SLC35F1: variants seen among roughly 807,000 people sequenced by gnomAD.
SLC35F1 encodes the protein solute carrier family 35 member F1.
SLC35F1 carries 14 observed loss-of-function variants against 48.7 expected under a neutral mutation model. That is an observed-to-expected ratio of 0.29 (90% CI 0.19 to 0.45). The LOEUF (loss-of-function observed/expected upper bound fraction) is 0.45, where lower values mean the gene tolerates loss of function less well. SLC35F1 is among the 20% of genes least tolerant of loss of function. SLC35F1 has a pLI of 1.00. For missense variants in SLC35F1, 404 were observed against 500.0 expected, an observed-to-expected ratio of 0.81 and a Z score of 1.83; for synonymous variants, 190 against 202.2, an observed-to-expected ratio of 0.94 and a Z score of 0.51.
intron 1 of SLC35F1, among the ~76,000 whole-genome samples, chr6:117,926,835 G>T: frequency 6.6e-6 from 1 of 152,138 alleles, no homozygotes; most frequent in Non-Finnish European, 1.5e-5. Context: ...CTGGCTGCCT[G>T]CAGTATAAAC....
At chr6:118,253,978 A>G (rs1775608780) in intron 3 of SLC35F1, among the ~76,000 whole-genome samples, 1 of 151,822 alleles carries the variant, frequency 6.6e-6, no homozygotes, top group Non-Finnish European at 1.5e-5. Context: ...AGCAAGCAGA[A>G]AGGGATGAGG....
intron 7 of SLC35F1, among the ~76,000 whole-genome samples, chr6:118,294,489 C>T (rs779260189): frequency 3.9e-5 from 6 of 152,172 alleles, no homozygotes; most frequent in Admixed American, 6.6e-5. Context: ...ATTTAAATGA[C>T]GATGGCTTAT....
At chr6:117,935,858 A>C (rs1042860514) in intron 1 of SLC35F1, among the ~76,000 whole-genome samples, 2 of 152,342 alleles carry the variant, frequency 1.3e-5, no homozygotes, top group African/African-American at 4.8e-5. Flanking sequence ...AATGATCATG[A>C]AAGTGGCAAG....
In SLC35F1 at chr6:118,278,444, C is replaced by T. The variant is rs114263778; in HGVS notation, c.847+898C>T. On this transcript the variant is annotated intron_variant, in intron 6 of 7. Coordinates refer to ENST00000360388, the MANE Select transcript of SLC35F1 (RefSeq NM_001029858.4). ...GAAACACAATAAAAACATAAACTCC[C>T]GTGCATCACTTTACCTACCTGTCCC... 2.6e-3 allele frequency among the ~76,000 whole-genome samples: 392 copies of T among 152,280 alleles called. 3 individuals carry two copies. Among genetic ancestry groups the T allele is most frequent in the African/African-American group, 8.7e-3 (362 of 41,552 alleles).
At chr6:118,097,451 CCTT>C (rs1211242483) in intron 1 of SLC35F1, among the ~76,000 whole-genome samples, 2 of 152,132 alleles carry the variant, frequency 1.3e-5, no homozygotes, top group Non-Finnish European at 2.9e-5. Context: ...CCTTTTTCCT[CCTT>C]ATTTTGAAGG....
intron 2 of SLC35F1, among the ~76,000 whole-genome samples, chr6:118,209,052 T>C (rs1039642216): frequency 6.6e-6 from 1 of 152,190 alleles, no homozygotes; most frequent in Non-Finnish European, 1.5e-5. Context: ...TCCTGCCCCA[T>C]ACCTGAAGGA....
intron 1 of SLC35F1, among the ~76,000 whole-genome samples, chr6:118,081,869 G>A (rs1001690349): frequency 2.6e-5 from 4 of 152,150 alleles, no homozygotes; most frequent in Non-Finnish European, 5.9e-5. Flanking sequence ...GATTCACTGA[G>A]GGTGACTTGG....
intron 6 of SLC35F1, among the ~76,000 whole-genome samples, chr6:118,278,342 A>G (rs752743771): frequency 6.6e-6 from 1 of 152,242 alleles, no homozygotes; most frequent in Non-Finnish European, 1.5e-5. Context: ...TCTTCCCCAC[A>G]CTGAAGCTGG....
At chr6:118,204,107 G>A (rs937557836) in intron 2 of SLC35F1, among the ~76,000 whole-genome samples, 2 of 151,590 alleles carry the variant, frequency 1.3e-5, no homozygotes, top group East Asian at 1.9e-4. Context: ...TGACATTTGA[G>A]ATGAGACCCA....
At chr6:118,171,039 C>T (rs1339747906) in intron 2 of SLC35F1, among the ~76,000 whole-genome samples, 1 of 151,680 alleles carries the variant, frequency 6.6e-6, no homozygotes. Flanking sequence ...TTTCTTTGTT[C>T]TTCTTTTTTC....
At chr6:118,039,309 C>T (rs546106651) in intron 1 of SLC35F1, among the ~76,000 whole-genome samples, 11 of 151,990 alleles carry the variant, frequency 7.2e-5, no homozygotes, top group Middle Eastern at 3.4e-3. Flanking sequence ...TTTTCAGCAG[C>T]TTATGATGTA....
intron 1 of SLC35F1, among the ~76,000 whole-genome samples, chr6:117,929,555 G>A (rs1776074403): frequency 6.6e-6 from 1 of 151,550 alleles, no homozygotes; most frequent in South Asian, 2.1e-4. Context: ...AACTGTAGGG[G>A]ATGGCAAGTC....
chr6:118,023,095 G>A (rs954196047), intron 1 of SLC35F1, among the ~76,000 whole-genome samples: 96 of 152,036 alleles, frequency 6.3e-4, no homozygotes, highest in Non-Finnish European at 1.0e-3. Context: ...CCCTTATACA[G>A]GAATAGAGAA....
intron 1 of SLC35F1, among the ~76,000 whole-genome samples, chr6:118,122,420 A>G (rs1427571451): frequency 1.3e-5 from 2 of 152,194 alleles, no homozygotes; most frequent in Non-Finnish European, 2.9e-5. Flanking sequence ...TGCTCATTAA[A>G]CAAGCTTTTG....
At chr6:117,923,754 TATACATATGCAC>T (rs1437587765) in intron 1 of SLC35F1, among the ~76,000 whole-genome samples, 2 of 65,118 alleles carry the variant, frequency 3.1e-5, no homozygotes, top group African/African-American at 4.0e-5. Flanking sequence ...TATGTACATA[TATACATATGCAC>T]ATACATATGT....
At chr6:118,225,725 AT>A (rs36012145) in intron 2 of SLC35F1, among the ~76,000 whole-genome samples, 141,862 of 151,998 alleles carry the variant, frequency 0.93, 66,262 homozygotes, top group East Asian at 0.98. Flanking sequence ...TACAAAAAAA[AT>A]TTAGCTGGGT....
intron 1 of SLC35F1, among the ~76,000 whole-genome samples, chr6:118,092,273 G>A (rs921190677): frequency 1.3e-5 from 2 of 152,314 alleles, no homozygotes; most frequent in Admixed American, 1.3e-4. Context: ...AGGCCTGGAG[G>A]CCTAGGAGGG....
chr6:118,298,497 A>G (rs1776218677), intron 7 of SLC35F1, among the ~76,000 whole-genome samples: 1 of 152,170 alleles, frequency 6.6e-6, no homozygotes, highest in Admixed American at 6.5e-5. Flanking sequence ...GATAATGGCA[A>G]GCCCCAGTGA....
intron 2 of SLC35F1, among the ~76,000 whole-genome samples, chr6:118,208,455 T>G (rs968187769): frequency 2.0e-5 from 3 of 152,256 alleles, no homozygotes; most frequent in Admixed American, 6.5e-5. Context: ...TTTATTATTT[T>G]GTGTTATGGA....
Sources: gnomAD v4.1 joint callset for allele counts (sites outside exome capture counted in the v4.1 genomes callset) on GRCh38, gnomAD v4.1.1 for gene constraint, MANE v1.5 for transcripts, NCBI Gene and HGNC (gene_info 2026-07-23, HGNC 2026-07-21) for gene names.